Variants in SLC41A2 observed in about 807,000 individuals in gnomAD.
The protein encoded by SLC41A2 is SLC41A1-like 1.
A neutral mutation model predicts 58.3 loss-of-function variants in SLC41A2; 32 were observed. The ratio of observed to expected loss-of-function variants is 0.55; its 90% CI spans 0.41 to 0.74. The LOEUF (loss-of-function observed/expected upper bound fraction) is 0.74, where lower values mean the gene tolerates loss of function less well. Among genes scored for constraint, SLC41A2 ranks in the 30% least tolerant of loss-of-function variants. The pLI is 0.00. For synonymous variants in SLC41A2, 190 were observed against 235.0 expected, an observed-to-expected ratio of 0.81 and a Z score of 1.75; for missense variants, 514 against 680.6, an observed-to-expected ratio of 0.76 and a Z score of 2.72.
At chr12:104,911,821 G>T (rs199639982) in intron 2 of SLC41A2, among the ~76,000 whole-genome samples, 15 of 14,044 alleles carry the variant, frequency 1.1e-3, no homozygotes, top group Non-Finnish European at 1.8e-3. Flanking sequence ...AGCACTGGGT[G>T]GGGGGGGTTC....
intron 6 of SLC41A2, among the ~76,000 whole-genome samples, chr12:104,877,287 C>G (rs2044094921): frequency 6.6e-6 from 1 of 152,200 alleles, no homozygotes; most frequent in Admixed American, 6.5e-5. Flanking sequence ...AACTGCTGAT[C>G]TTAGGAGGCC....
intron 8 of SLC41A2, among the ~76,000 whole-genome samples, chr12:104,854,137 C>T (rs1358215973): frequency 6.6e-6 from 1 of 151,462 alleles, no homozygotes; most frequent in Non-Finnish European, 1.5e-5. Flanking sequence ...TTTATAAAGC[C>T]CATTTACACA....
At chr12:104,888,415 G>A (rs901384541) in intron 5 of SLC41A2, among the ~76,000 whole-genome samples, 4 of 152,054 alleles carry the variant, frequency 2.6e-5, no homozygotes, top group Non-Finnish European at 4.4e-5. Flanking sequence ...AAGTCTTTAT[G>A]ATTGTGATTC....
At chr12:104,849,202 G>A (rs114567270) in intron 8 of SLC41A2, among the ~76,000 whole-genome samples, 343 of 152,260 alleles carry the variant, frequency 2.3e-3, no homozygotes, top group African/African-American at 7.8e-3. Flanking sequence ...TCTGACTACA[G>A]TGTAATTAAA....
At chr12:104,805,968 T>G (rs2040878471) in intron 10 of SLC41A2, among the ~76,000 whole-genome samples, 1 of 152,336 alleles carries the variant, frequency 6.6e-6, no homozygotes, top group African/African-American at 2.4e-5. Context: ...ATCAGGAATA[T>G]AAAGACTTTT....
intron 1 of SLC41A2, among the ~76,000 whole-genome samples, chr12:104,944,508 A>G (rs544863554): frequency 4.5e-4 from 69 of 152,368 alleles, no homozygotes; most frequent in African/African-American, 1.6e-3. Flanking sequence ...TTACTCAATT[A>G]TCTTGGCATC....
chr12:104,861,111 T>C (rs902768258), intron 8 of SLC41A2, among the ~76,000 whole-genome samples, 180 bp downstream of exon 8: 5 of 152,218 alleles, frequency 3.3e-5, no homozygotes, highest in Non-Finnish European at 7.3e-5. Flanking sequence ...AAATGTATTC[T>C]GCCTGTTGAG....
intron 3 of SLC41A2, among the ~76,000 whole-genome samples, chr12:104,899,010 C>T (rs1244259143): frequency 6.6e-6 from 1 of 152,172 alleles, no homozygotes; most frequent in East Asian, 1.9e-4. Context: ...CAGGAACTCT[C>T]ATTCATTGCT....
intron 3 of SLC41A2, among the ~76,000 whole-genome samples, chr12:104,907,616 C>T (rs2045909014): frequency 6.6e-6 from 1 of 152,116 alleles, no homozygotes; most frequent in African/African-American, 2.4e-5. Context: ...TTTGTTACTG[C>T]TGTTATTTAT....
Position 104,927,951 on chromosome 12 carries a change from TTAAA to T in SLC41A2, c.555+18_555+21del. The T allele has an allele frequency of 1.3e-6, 2 of 1,524,944 alleles. No homozygotes were observed. The highest frequency in any genetic ancestry group is 3.6e-4 in the Middle Eastern group (2 of 5,632). The allele number at this position is 1,524,944 out of a possible 1,614,324, so 94.5% of individuals were successfully genotyped here. ...GGAATAACAAAAAAAGACAGTAAAG[TTAAA>T]TAAAGATGAAAACCCACCTGTACTA... On this transcript the variant is annotated intron_variant, in intron 2 of 10. Transcript: ENST00000258538.
At chr12:104,844,973 A>G (rs1565834836) in intron 9 of SLC41A2, among the ~76,000 whole-genome samples, 2 of 151,726 alleles carry the variant, frequency 1.3e-5, no homozygotes, top group African/African-American at 4.8e-5. Context: ...AAGGGTAGCC[A>G]TTCTGATCTT....
chr12:104,883,333 A>T (rs1380937251), intron 6 of SLC41A2, among the ~76,000 whole-genome samples: 1 of 152,160 alleles, frequency 6.6e-6, no homozygotes. Flanking sequence ...CAACTCGTCA[A>T]AGTCATTCTC....
At chr12:104,856,171 T>C (rs2043014009) in intron 8 of SLC41A2, among the ~76,000 whole-genome samples, 1 of 151,958 alleles carries the variant, frequency 6.6e-6, no homozygotes, top group African/African-American at 2.4e-5. Flanking sequence ...ATATTGCCCA[T>C]AAAGAAGGTG....
In SLC41A2 at chr12:104,844,540, T is replaced by A; in HGVS notation, c.1468A>T (p.Met490Leu). The A allele has an allele frequency of 6.3e-7, 1 of 1,575,312 alleles. No individual in the cohort carries two copies. Among genetic ancestry groups the A allele is most frequent in the Non-Finnish European group, 8.6e-7 (1 of 1,160,806 alleles). Reference protein sequence around the residue: ...HLIFLYTIHLMKSGHTSLTII... With the variant: ...HLIFLYTIHLLKSGHTSLTII... ...GTTAAAGAAGTATGACCACTTTTCA[T>A]CAAATGAATAGTGTAGAGGAAAATT... Residue 490 changes from methionine to leucine, a missense_variant, in exon 10 of 11, where the codon ATG (methionine) becomes TTG (leucine). This residue lies in a region of SLC41A2 where 128 missense variants were observed against 146.0 expected (regional missense o/e 0.88). Transcript: ENST00000258538.
chr12:104,811,392 A>T (rs1239844816), intron 10 of SLC41A2, among the ~76,000 whole-genome samples: 1 of 152,226 alleles, frequency 6.6e-6, no homozygotes, highest in Admixed American at 6.5e-5. Context: ...AAAGCACAAG[A>T]CTATGCATAT....
At chr12:104,846,125 T>G (rs544420576) in intron 8 of SLC41A2, 151 bp from the exon 9 acceptor site, 81 of 760,052 alleles carry the variant, frequency 1.1e-4, no homozygotes, top group Non-Finnish European at 1.4e-4. Context: ...AATGTTGAAG[T>G]AGACATTCCA....
At chr12:104,872,139 A>T (rs1454468765) in intron 6 of SLC41A2, among the ~76,000 whole-genome samples, 1 of 152,138 alleles carries the variant, frequency 6.6e-6, no homozygotes, top group Non-Finnish European at 1.5e-5. Flanking sequence ...TGAGATCAGT[A>T]AACAGCTGAG....
At chr12:104,885,002 G>C (rs2044584790) in intron 6 of SLC41A2, among the ~76,000 whole-genome samples, 1 of 151,632 alleles carries the variant, frequency 6.6e-6, no homozygotes, top group Non-Finnish European at 1.5e-5. Flanking sequence ...GCAAATTTAA[G>C]ATTATCCCTT....
chr12:104,904,428 A>G (rs2045712803), intron 3 of SLC41A2, among the ~76,000 whole-genome samples: 1 of 152,338 alleles, frequency 6.6e-6, no homozygotes, highest in South Asian at 2.1e-4. Flanking sequence ...ATTGAGTTCT[A>G]TCTACCTAGG....
Sources: allele counts gnomAD v4.1 joint callset (sites outside exome capture counted in the v4.1 genomes callset), GRCh38; gene constraint gnomAD v4.1.1; regional missense constraint gnomAD v4.1.1; transcripts MANE v1.5; gene names NCBI Gene and HGNC (gene_info 2026-07-23, HGNC 2026-07-21).